PLXDC2: variants seen among roughly 807,000 people sequenced by gnomAD.
PLXDC2 encodes plexin domain-containing protein 2.
In PLXDC2, 40 loss-of-function variants were observed where a neutral mutation model predicts 68.9. The ratio of observed to expected loss-of-function variants is 0.58; its 90% CI spans 0.45 to 0.76. The LOEUF (loss-of-function observed/expected upper bound fraction) is 0.76, where lower values mean the gene tolerates loss of function less well. PLXDC2 is among the 30% of genes least tolerant of loss of function. PLXDC2 has a pLI of 0.00. For missense variants in PLXDC2, 644 were observed against 661.9 expected, an observed-to-expected ratio of 0.97 and a Z score of 0.30; for synonymous variants, 243 against 234.2, an observed-to-expected ratio of 1.04 and a Z score of -0.34.
intron 12 of PLXDC2, among the ~76,000 whole-genome samples, chr10:20,241,728 A>C (rs1835518637): frequency 6.6e-6 from 1 of 152,204 alleles, no homozygotes. Flanking sequence ...GCAGTGAGTC[A>C]AGATCACACC....
chr10:20,216,473 T>C (rs1371570760), intron 10 of PLXDC2, among the ~76,000 whole-genome samples: 1 of 152,134 alleles, frequency 6.6e-6, no homozygotes, highest in African/African-American at 2.4e-5. Flanking sequence ...ATAAACCTGT[T>C]TCATATCCTA....
intron 13 of PLXDC2, among the ~76,000 whole-genome samples, chr10:20,258,057 A>G (rs1429532903): frequency 7.7e-6 from 1 of 129,490 alleles, no homozygotes; most frequent in Non-Finnish European, 1.5e-5. Flanking sequence ...GCTGGAGTGC[A>G]GTGGCGCTAT....
chr10:20,177,195 A>G (rs1564342985), intron 8 of PLXDC2, 101 bp downstream of exon 8: 1 of 1,351,666 alleles, frequency 7.4e-7, no homozygotes, highest in Non-Finnish European at 1.1e-6. Flanking sequence ...TTACCATTAT[A>G]ATTGTGTTTG....
intron 4 of PLXDC2, among the ~76,000 whole-genome samples, chr10:20,130,572 A>G (rs182982028): frequency 1.3e-5 from 2 of 152,168 alleles, no homozygotes; most frequent in East Asian, 3.9e-4. Context: ...TTATCTTGTT[A>G]CTAATCCCGA....
rs541664049 is a variant in PLXDC2 at position 20,177,272 on chromosome 10, T to C, written c.980-56T>C. 9.6e-6 allele frequency: 14 copies of C among 1,451,494 alleles called. No individual in the cohort carries two copies. In the African/African-American group the frequency reaches 1.7e-4, roughly 17 times the overall value. 89.9% of individuals were successfully genotyped at this position (1,451,494 alleles called of 1,614,324 possible). ...ATTTTTATTCTGGTTGAGTAATCTC[T>C]TTCCCCTCCAAGTTGCCTGTTAGTC... On this transcript the variant is annotated intron_variant, in intron 8 of 13. Transcript: ENST00000377252.
chr10:20,231,410 A>C (rs1030990665), intron 12 of PLXDC2, among the ~76,000 whole-genome samples: 1 of 151,502 alleles, frequency 6.6e-6, no homozygotes, highest in Non-Finnish European at 1.5e-5. Context: ...AAAAGTATTT[A>C]GAAGGAAATT....
At chr10:19,862,411 C>A (rs1589506487) in intron 1 of PLXDC2, among the ~76,000 whole-genome samples, 1 of 152,094 alleles carries the variant, frequency 6.6e-6, no homozygotes, top group African/African-American at 2.4e-5. Flanking sequence ...ATTAAGTGCT[C>A]ACTATTTTCA....
At chr10:20,074,966 A>G (rs1226582626) in intron 4 of PLXDC2, among the ~76,000 whole-genome samples, 2 of 152,194 alleles carry the variant, frequency 1.3e-5, no homozygotes, top group African/African-American at 4.8e-5. Flanking sequence ...AAGTAAATTC[A>G]TTCCAACTTG....
Position 20,182,920 on chromosome 10 carries a change from C to A in PLXDC2, c.1061+5511C>A, listed in dbSNP as rs570886593. Among the ~76,000 whole-genome samples the A allele has an allele frequency of 7.2e-5, 11 of 152,022 alleles. No homozygotes were observed. The South Asian group carries it at 2.1e-3, about 29-fold the overall frequency. Reference sequence around the variant, plus strand: ...GTCTGTGTGTTCTCATTGTTCAACTCCCCCTTATGAGTGAGAACATGAGGT... The same window carrying A: ...GTCTGTGTGTTCTCATTGTTCAACTACCCCTTATGAGTGAGAACATGAGGT... On this transcript the variant is annotated intron_variant, in intron 9 of 13. Coordinates refer to ENST00000377252, the MANE Select transcript of PLXDC2 (RefSeq NM_032812.9).
In PLXDC2 at chr10:19,944,247, T is replaced by C. The variant is rs182728891; in HGVS notation, c.113-57528T>C. Reference sequence around the variant, plus strand: ...AAGCCATCCCATCGGCTTCTGTATTTAAAAAATGCAAATAAGGTGCAGATT... The same window carrying C: ...AAGCCATCCCATCGGCTTCTGTATTCAAAAAATGCAAATAAGGTGCAGATT... On this transcript the variant is annotated intron_variant, in intron 1 of 13. Transcript: ENST00000377252. 1.7e-3 allele frequency among the ~76,000 whole-genome samples: 253 copies of C among 152,184 alleles called. 1 individual carries two copies. The highest frequency in any genetic ancestry group is 5.0e-3 in the African/African-American group (208 of 41,520).
chr10:20,226,999 G>A (rs1404139506), intron 12 of PLXDC2, among the ~76,000 whole-genome samples: 2 of 152,092 alleles, frequency 1.3e-5, no homozygotes, highest in African/African-American at 2.4e-5. Flanking sequence ...CCTTCTCGGT[G>A]TGTTCTACAT....
chr10:20,162,442 A>G (rs1834312604), intron 6 of PLXDC2, among the ~76,000 whole-genome samples: 1 of 152,166 alleles, frequency 6.6e-6, no homozygotes, highest in South Asian at 2.1e-4. Context: ...AACTGAACTC[A>G]CAGAAGTTGG....
intron 1 of PLXDC2, among the ~76,000 whole-genome samples, chr10:19,827,819 A>G (rs1202797002): frequency 6.6e-6 from 1 of 152,162 alleles, no homozygotes. Flanking sequence ...TTGGCCTCCC[A>G]AAGTGCTGGG....
chr10:20,054,512 CAG>C (rs1835960894), intron 3 of PLXDC2, among the ~76,000 whole-genome samples: 1 of 151,754 alleles, frequency 6.6e-6, no homozygotes, highest in African/African-American at 2.4e-5. Context: ...GCTAGGTAGA[CAG>C]ATATATTAAT....
intron 1 of PLXDC2, among the ~76,000 whole-genome samples, chr10:19,920,605 C>T (rs72785832): frequency 0.046 from 6,987 of 152,314 alleles, 201 homozygotes; most frequent in Middle Eastern, 0.13. Context: ...AAAACCCTCC[C>T]ACTCCATTCC....
chr10:19,900,592 G>T (rs942006706), intron 1 of PLXDC2, among the ~76,000 whole-genome samples: 2 of 151,968 alleles, frequency 1.3e-5, no homozygotes, highest in Admixed American at 6.6e-5. Context: ...CTGTGTTCAG[G>T]TTTCTTTTTT....
chr10:20,116,733 C>T (rs2461939), intron 4 of PLXDC2, among the ~76,000 whole-genome samples: 54,355 of 151,928 alleles, frequency 0.36, 11,251 homozygotes, highest in Non-Finnish European at 0.48. Context: ...AATTTGAAGT[C>T]AGAATTGTTG....
intron 4 of PLXDC2, among the ~76,000 whole-genome samples, chr10:20,106,411 A>G (rs1459502580): frequency 6.6e-6 from 1 of 152,134 alleles, no homozygotes; most frequent in Non-Finnish European, 1.5e-5. Flanking sequence ...GGAATCCCTC[A>G]TTTTTGGATT....
rs1472622836 is a variant in PLXDC2, at chr10:20,285,107, C to T, written c.*5288C>T. On this transcript the variant is annotated 3_prime_UTR_variant, in exon 14 of 14. Transcript: ENST00000377252. The stretch of plus-strand genomic sequence containing the variant: ...ATCTATATAGCTGATTTTCTGACCA[C>T]ATATATAATTGCAATTTTTATTTGC... 1 of 152,190 alleles carries T rather than the reference C, an allele frequency of 6.6e-6. No individual in the cohort carries two copies. The highest frequency in any genetic ancestry group is 6.5e-5 in the Admixed American group (1 of 15,280). The allele number at this position is 152,190 out of a possible 1,614,324, so 9.4% of individuals were successfully genotyped here.
Sources: allele counts gnomAD v4.1 joint callset (sites outside exome capture counted in the v4.1 genomes callset), GRCh38; gene constraint gnomAD v4.1.1; transcripts MANE v1.5; gene names NCBI Gene and HGNC (gene_info 2026-07-23, HGNC 2026-07-21).